HHAT: variants seen among roughly 807,000 people sequenced by gnomAD.
The protein encoded by HHAT is protein-cysteine N-palmitoyltransferase HHAT.
HHAT carries 47 observed loss-of-function variants against 70.8 expected under a neutral mutation model. The observed-to-expected ratio is 0.66, with a 90% CI of 0.53 to 0.85. The LOEUF is 0.85. Among genes scored for constraint, HHAT ranks in the 40% least tolerant of loss-of-function variants. The pLI, the probability that HHAT is intolerant of heterozygous loss-of-function variation, is 0.00. For synonymous variants in HHAT, 228 were observed against 247.6 expected (o/e 0.92, Z 0.74); for missense variants, 609 against 604.8 (o/e 1.01, Z -0.07).
intron 2 of HHAT, among the ~76,000 whole-genome samples, chr1:210,361,063 A>C (rs2088253489): frequency 6.6e-6 from 1 of 152,092 alleles, no homozygotes; most frequent in African/African-American, 2.4e-5. Context: ...TGAACTCTTA[A>C]AGAAGCACCA....
chr1:210,573,175 T>C (rs1001961794), intron 9 of HHAT, among the ~76,000 whole-genome samples: 6 of 152,178 alleles, frequency 3.9e-5, no homozygotes, highest in Admixed American at 3.3e-4. Flanking sequence ...TATAGACCTT[T>C]CGAGAGGCCT....
chr1:210,568,878 A>G (rs1655419278), intron 9 of HHAT, among the ~76,000 whole-genome samples: 1 of 152,182 alleles, frequency 6.6e-6, no homozygotes, highest in Non-Finnish European at 1.5e-5. Flanking sequence ...GCACAGGTAA[A>G]ACAACTTGGG....
chr1:210,459,910 C>G (rs574752240), intron 7 of HHAT, among the ~76,000 whole-genome samples: 1 of 152,296 alleles, frequency 6.6e-6, no homozygotes, highest in South Asian at 2.1e-4. Context: ...TAGTTGCAGT[C>G]AGACATCAGC....
intron 6 of HHAT, 49 bp from the exon 7 acceptor site, chr1:210,418,105 T>C (rs772981258): frequency 1.3e-6 from 2 of 1,574,316 alleles, no homozygotes; most frequent in Non-Finnish European, 1.7e-6. Context: ...TAAGGGACTG[T>C]TTTAGGAATC....
chr1:210,410,651 C>G (rs934318359), intron 6 of HHAT, among the ~76,000 whole-genome samples: 1 of 151,356 alleles, frequency 6.6e-6, no homozygotes, highest in Non-Finnish European at 1.5e-5. Flanking sequence ...CTCAGCCTCC[C>G]GAGTAGCTGG....
At chr1:210,461,602 G>C (rs1007705299) in intron 7 of HHAT, among the ~76,000 whole-genome samples, 1 of 152,276 alleles carries the variant, frequency 6.6e-6, no homozygotes, top group Admixed American at 6.5e-5. Flanking sequence ...GTGCCTGGCT[G>C]AGCCATGCAT....
At chr1:210,344,519 G>A (rs142877768) in intron 1 of HHAT, among the ~76,000 whole-genome samples, 1 of 152,156 alleles carries the variant, frequency 6.6e-6, no homozygotes, top group Admixed American at 6.5e-5. Flanking sequence ...GGCATCAAAT[G>A]CCTGTTGATG....
intron 8 of HHAT, among the ~76,000 whole-genome samples, chr1:210,470,084 A>G (rs970806106): frequency 1.3e-5 from 2 of 152,102 alleles, no homozygotes; most frequent in Admixed American, 6.5e-5. Flanking sequence ...GCCTCAAGCA[A>G]TCCTCTCACC....
intron 9 of HHAT, among the ~76,000 whole-genome samples, chr1:210,532,540 A>G (rs560947989): frequency 1.3e-5 from 2 of 152,324 alleles, no homozygotes; most frequent in Admixed American, 6.5e-5. Flanking sequence ...CTAAACTTAT[A>G]TAACTGTAGA....
rs1477924125 is a variant in HHAT, at chr1:210,420,411, G to GT, written c.856+2092dup. ...GTTCTACATATACGAGGACACTTGA[G>GT]TTTTTTACAGGGTTTTGCTATTCCA... On this transcript the variant is annotated intron_variant, in intron 7 of 11. Transcript: ENST00000261458. Among the ~76,000 whole-genome samples the GT allele has an allele frequency of 2.0e-5, 3 of 152,120 alleles. No homozygotes were observed. The East Asian group carries it at 5.8e-4, about 29-fold the overall frequency.
At chr1:210,547,742 C>T (rs557061279) in intron 9 of HHAT, among the ~76,000 whole-genome samples, 37 of 152,308 alleles carry the variant, frequency 2.4e-4, no homozygotes, top group African/African-American at 8.7e-4. Flanking sequence ...CCGAGTTTCC[C>T]TCCGCATAGC....
At chr1:210,517,876 C>A (rs185098562) in intron 9 of HHAT, among the ~76,000 whole-genome samples, 2 of 152,250 alleles carry the variant, frequency 1.3e-5, no homozygotes, top group African/African-American at 4.8e-5. Flanking sequence ...GCCTCCCCCA[C>A]CTCTGACTGC....
At chr1:210,357,254 C>T (rs1558344111) in intron 2 of HHAT, among the ~76,000 whole-genome samples, 2 of 152,126 alleles carry the variant, frequency 1.3e-5, no homozygotes, top group Non-Finnish European at 1.5e-5. Flanking sequence ...GGAGCACTAC[C>T]TCAAAACATG....
chr1:210,591,287 A>C lies in HHAT; in HGVS notation c.1245+3188A>C, dbSNP rs144780978. Among the ~76,000 whole-genome samples the C allele has an allele frequency of 5.3e-5, 8 of 152,210 alleles. No individual in the cohort carries two copies. In the Middle Eastern group the frequency reaches 0.01, roughly 194 times the overall value. ...GTTGTTTTAATTTTTAACTCCCACA[A>C]ACAAGTGAGAACAGGTGAAGTTTGT... On this transcript the variant is annotated intron_variant, in intron 10 of 11. Coordinates refer to ENST00000261458, the MANE Select transcript of HHAT (RefSeq NM_018194.6).
At chr1:210,491,386 T>G (rs2094549756) in intron 8 of HHAT, among the ~76,000 whole-genome samples, 1 of 152,112 alleles carries the variant, frequency 6.6e-6, no homozygotes, top group African/African-American at 2.4e-5. Flanking sequence ...AACTGCAAAC[T>G]CCTATGAGGA....
At position 210,674,275 on chromosome 1, in the gene HHAT, C is replaced by T. The variant is rs1680778177; in HGVS notation, c.1391-13C>T. The T allele has an allele frequency of 6.2e-7, 1 of 1,605,694 alleles. No homozygotes were observed. The highest frequency in any genetic ancestry group is 2.2e-5 in the East Asian group (1 of 44,840). ...TTTCTAACTGCTCTTCCATCTCTGT[C>T]CTCCCTCTGCAGGCTGGCCTTGGGT... On this transcript the variant is annotated splice_polypyrimidine_tract_variant and intron_variant, in intron 11 of 11. Coordinates refer to ENST00000261458, the MANE Select transcript of HHAT (RefSeq NM_018194.6).
At chr1:210,427,648 T>C (rs1007768006) in intron 7 of HHAT, among the ~76,000 whole-genome samples, 13 of 152,190 alleles carry the variant, frequency 8.5e-5, no homozygotes, top group African/African-American at 3.1e-4. Flanking sequence ...AGTAATTTGA[T>C]AGTGCTGTGG....
intron 1 of HHAT, among the ~76,000 whole-genome samples, chr1:210,346,963 A>G (rs1455376363): frequency 1.3e-5 from 2 of 152,246 alleles, no homozygotes; most frequent in African/African-American, 4.8e-5. Context: ...GTCTAGCTAT[A>G]CATTGTGAGA....
intron 7 of HHAT, among the ~76,000 whole-genome samples, chr1:210,443,042 C>A (rs1193767103): frequency 2.0e-5 from 3 of 152,174 alleles, no homozygotes; most frequent in Non-Finnish European, 4.4e-5. Context: ...GGAAGGGATC[C>A]AGTTTCAGCT....
Sources: gnomAD v4.1 joint callset for allele counts (sites outside exome capture counted in the v4.1 genomes callset) on GRCh38, gnomAD v4.1.1 for gene constraint, MANE v1.5 for transcripts, NCBI Gene and HGNC (gene_info 2026-07-23, HGNC 2026-07-21) for gene names.